The following ABI3BP variants were observed in gnomAD, a reference collection of about 807,000 sequenced individuals.
The protein encoded by ABI3BP is target of Nesh-SH3.
A neutral mutation model predicts 268.6 loss-of-function variants in ABI3BP; 216 were observed. That is an observed-to-expected ratio of 0.80 (90% CI 0.72 to 0.90). The LOEUF is 0.90. ABI3BP is among the 40% of genes least tolerant of loss of function. The pLI, the probability that ABI3BP is intolerant of heterozygous loss-of-function variation, is 0.00. For synonymous variants in ABI3BP, 730 were observed against 730.0 expected, an observed-to-expected ratio of 1.00 and a Z score of 0.00; for missense variants, 2,090 against 2,182.4, an observed-to-expected ratio of 0.96 and a Z score of 0.84.
At chr3:100,867,160 T>C (rs1026335831) in intron 9 of ABI3BP, among the ~76,000 whole-genome samples, 1 of 152,178 alleles carries the variant, frequency 6.6e-6, no homozygotes, top group Non-Finnish European at 1.5e-5. Flanking sequence ...TTCTTTCTTA[T>C]TAACCCTAGG....
chr3:100,783,712 G>T (rs939981642), intron 57 of ABI3BP, among the ~76,000 whole-genome samples: 7 of 152,186 alleles, frequency 4.6e-5, no homozygotes, highest in African/African-American at 1.7e-4. Flanking sequence ...CTGCCACAAC[G>T]ATTCAACTCT....
chr3:100,829,728 T>C lies in ABI3BP; in HGVS notation c.2459-64A>G, dbSNP rs112222883. On this transcript the variant is annotated intron_variant, in intron 32 of 67. Coordinates refer to ENST00000471714, the MANE Select transcript of ABI3BP (RefSeq NM_001375547.2). ...GTTCCGGAAGCTGTGGATAAGATTA[T>C]ACTTGTTATAATTTCTTGACTTCCA... 5.2e-3 allele frequency: 6,588 copies of C among 1,264,718 alleles called. 264 individuals carry two copies. In the African/African-American group the frequency reaches 0.085, roughly 16 times the overall value. 78.3% of individuals were successfully genotyped at this position (1,264,718 alleles called of 1,614,324 possible). A position where few individuals can be genotyped will look rare whatever the true frequency, so the allele number is the denominator to read the frequency against.
chr3:100,886,445 T>C (rs559543503), intron 4 of ABI3BP, 122 bp from the exon 5 acceptor site: 1 of 664,376 alleles, frequency 1.5e-6, no homozygotes, highest in Non-Finnish European at 2.2e-6. Context: ...TGGCTTCTCT[T>C]CCGATTTTTA....
At chr3:100,952,967 T>C (rs1375900443) in intron 1 of ABI3BP, among the ~76,000 whole-genome samples, 2 of 152,216 alleles carry the variant, frequency 1.3e-5, no homozygotes, top group African/African-American at 4.8e-5. Context: ...CTCTATTTTA[T>C]CCACTCTTTG....
chr3:100,892,394 G>A (rs557106582), intron 4 of ABI3BP, among the ~76,000 whole-genome samples: 28 of 152,164 alleles, frequency 1.8e-4, no homozygotes, highest in Admixed American at 6.5e-5. Context: ...CAAAGAAAGC[G>A]AAAAAAGTTA....
At chr3:100,753,531 A>T (rs9849252) in intron 65 of ABI3BP, among the ~76,000 whole-genome samples, 2 of 152,020 alleles carry the variant, frequency 1.3e-5, no homozygotes, top group African/African-American at 4.8e-5. Flanking sequence ...GGCTCAAGCA[A>T]TCCTCCCACC....
chr3:100,780,088 T>C (rs1318365879), intron 58 of ABI3BP, 44 bp downstream of exon 58: 1 of 1,593,288 alleles, frequency 6.3e-7, no homozygotes, highest in Admixed American at 1.7e-5. Context: ...ACCATCCAAG[T>C]TTCAGAGCTG....
At chr3:100,850,244 G>C in intron 16 of ABI3BP, 125 bp from the exon 17 acceptor site, 4 of 805,664 alleles carry the variant, frequency 5.0e-6, no homozygotes, top group Non-Finnish European at 8.0e-6. Context: ...GATGAAAAAT[G>C]CATGTAGTCT....
chr3:100,879,441 G>A (rs1329920898), intron 6 of ABI3BP, among the ~76,000 whole-genome samples: 1 of 152,180 alleles, frequency 6.6e-6, no homozygotes, highest in Admixed American at 6.5e-5. Flanking sequence ...TGTTGAATGC[G>A]AAGTCTTTCC....
chr3:100,971,471 C>G (rs1351275808), intron 1 of ABI3BP, among the ~76,000 whole-genome samples: 3 of 152,116 alleles, frequency 2.0e-5, no homozygotes, highest in African/African-American at 7.2e-5. Flanking sequence ...TTTGACCAAG[C>G]ATGGTGATGG....
At chr3:100,867,737 A>G (rs1398760843) in intron 9 of ABI3BP, among the ~76,000 whole-genome samples, 1 of 151,922 alleles carries the variant, frequency 6.6e-6, no homozygotes, top group Non-Finnish European at 1.5e-5. Context: ...CACAAACACC[A>G]CACATAGGAA....
At chr3:100,878,850 G>A (rs1015452137) in intron 6 of ABI3BP, among the ~76,000 whole-genome samples, 1 of 152,054 alleles carries the variant, frequency 6.6e-6, no homozygotes, top group Non-Finnish European at 1.5e-5. Context: ...ATTTTTATTT[G>A]TTCATGTTAA....
At chr3:100,771,084 TG>T in intron 61 of ABI3BP, 132 bp from the exon 62 acceptor site, 1 of 769,226 alleles carries the variant, frequency 1.3e-6, no homozygotes, top group Non-Finnish European at 1.9e-6. Context: ...ATGATGTGGA[TG>T]GTTCAAACTA....
intron 2 of ABI3BP, among the ~76,000 whole-genome samples, chr3:100,904,601 T>C (rs986320078): frequency 6.6e-6 from 1 of 152,166 alleles, no homozygotes; most frequent in African/African-American, 2.4e-5. Context: ...GACCGTACTT[T>C]CCATGTGAAC....
chr3:100,753,055 A>C, intron 65 of ABI3BP, 107 bp from the exon 66 acceptor site: 2 of 1,066,314 alleles, frequency 1.9e-6, no homozygotes. Flanking sequence ...TTTTCCCCCC[A>C]TGCTAAATAC....
At chr3:100,974,858 G>A (rs780488212) in intron 1 of ABI3BP, among the ~76,000 whole-genome samples, 5 of 152,186 alleles carry the variant, frequency 3.3e-5, no homozygotes, top group East Asian at 3.9e-4. Flanking sequence ...AATAAGTCAC[G>A]GTTAGCTTTA....
intron 2 of ABI3BP, among the ~76,000 whole-genome samples, chr3:100,918,695 T>C (rs1006141261): frequency 2.0e-5 from 3 of 151,968 alleles, no homozygotes; most frequent in African/African-American, 7.3e-5. Flanking sequence ...GAGGATGAAA[T>C]GAGTGCCTTA....
At chr3:100,928,359 A>G (rs2062525022) in intron 1 of ABI3BP, among the ~76,000 whole-genome samples, 1 of 152,124 alleles carries the variant, frequency 6.6e-6, no homozygotes, top group Non-Finnish European at 1.5e-5. Context: ...AGATTGTACA[A>G]ATACCAATCA....
At chr3:100,961,479 A>G (rs116152907) in intron 1 of ABI3BP, among the ~76,000 whole-genome samples, 2,312 of 152,340 alleles carry the variant, frequency 0.015, 40 homozygotes, top group Middle Eastern at 0.034. Flanking sequence ...AGGGATGGTC[A>G]GACACAACAG....
Sources: gnomAD v4.1 joint callset for allele counts (sites outside exome capture counted in the v4.1 genomes callset) on GRCh38, gnomAD v4.1.1 for gene constraint, MANE v1.5 for transcripts, NCBI Gene and HGNC (gene_info 2026-07-23, HGNC 2026-07-21) for gene names.